The following TSHZ3 variants were observed in gnomAD, a reference collection of about 807,000 sequenced individuals.
TSHZ3 encodes teashirt homolog 3.
Under a neutral mutation model 64.5 loss-of-function variants are expected in TSHZ3, and 10 were observed. That is an observed-to-expected ratio of 0.16 (90% CI 0.10 to 0.26). The LOEUF (loss-of-function observed/expected upper bound fraction) is 0.26, where lower values mean the gene tolerates loss of function less well. TSHZ3 is among the 10% of genes least tolerant of loss of function. The probability of loss-of-function intolerance (pLI) is 1.00; values close to 1 mark genes in which losing one functional copy is unlikely to be tolerated. For missense variants in TSHZ3, 1,242 were observed against 1,421.7 expected, an observed-to-expected ratio of 0.87 and a Z score of 2.03; for synonymous variants, 608 against 593.1, an observed-to-expected ratio of 1.03 and a Z score of -0.36.
chr19:31,298,709 T>C (rs1976702848), intron 1 of TSHZ3, among the ~76,000 whole-genome samples: 2 of 152,050 alleles, frequency 1.3e-5, no homozygotes, highest in African/African-American at 4.8e-5. Context: ...GGGCTCCATG[T>C]CATGGATGAA....
chr19:31,343,607 T>G (rs1330855330), intron 1 of TSHZ3, among the ~76,000 whole-genome samples: 1 of 151,662 alleles, frequency 6.6e-6, no homozygotes, highest in Non-Finnish European at 1.5e-5. Flanking sequence ...ATAAGAAGAT[T>G]ATGTTCTATT....
At chr19:31,226,985 T>TC (rs1264764396) in intron 4 of TSHZ3, among the ~76,000 whole-genome samples, 1 of 135,246 alleles carries the variant, frequency 7.4e-6, no homozygotes, top group Non-Finnish European at 1.5e-5. Flanking sequence ...TTCTTTTTTT[T>TC]TTTTTTTTTT....
At chr19:31,285,036 T>C (rs1976431186) in intron 1 of TSHZ3, among the ~76,000 whole-genome samples, 1 of 152,148 alleles carries the variant, frequency 6.6e-6, no homozygotes, top group Non-Finnish European at 1.5e-5. Context: ...GACTGGCACA[T>C]TCAGCAATGC....
intron 5 of TSHZ3, among the ~76,000 whole-genome samples, chr19:31,177,934 C>T (rs1974637273): frequency 6.6e-6 from 1 of 152,114 alleles, no homozygotes; most frequent in Non-Finnish European, 1.5e-5. Context: ...CTCCTGTAGT[C>T]CACTTTCTGG....
At chr19:31,342,519 A>T (rs1339300029) in intron 1 of TSHZ3, among the ~76,000 whole-genome samples, 1 of 152,228 alleles carries the variant, frequency 6.6e-6, no homozygotes, top group Non-Finnish European at 1.5e-5. Context: ...TGCAAAATAA[A>T]TTCACTCAAG....
intron 1 of TSHZ3, among the ~76,000 whole-genome samples, chr19:31,317,373 A>G (rs1916631825): frequency 6.6e-6 from 1 of 152,160 alleles, no homozygotes; most frequent in African/African-American, 2.4e-5. Flanking sequence ...GATGCTGAAC[A>G]GTGCAGGCTC....
chr19:31,304,610 T>G (rs1976809414), intron 1 of TSHZ3, among the ~76,000 whole-genome samples: 1 of 152,238 alleles, frequency 6.6e-6, no homozygotes, highest in South Asian at 2.1e-4. Context: ...GTTGGATTTA[T>G]AGTATCATTT....
intron 1 of TSHZ3, among the ~76,000 whole-genome samples, chr19:31,248,736 G>A (rs1236666359): frequency 1.3e-5 from 2 of 149,460 alleles, no homozygotes; most frequent in African/African-American, 5.0e-5. Flanking sequence ...GGCTGCAGTA[G>A]CCATGATCGC....
At chr19:31,292,100 C>T (rs1976576704) in intron 1 of TSHZ3, among the ~76,000 whole-genome samples, 1 of 152,144 alleles carries the variant, frequency 6.6e-6, no homozygotes, top group Non-Finnish European at 1.5e-5. Context: ...TCCCAATGTC[C>T]TTTTTACCTT....
intron 1 of TSHZ3, among the ~76,000 whole-genome samples, chr19:31,326,956 C>A (rs922518655): frequency 2.0e-5 from 3 of 152,126 alleles, no homozygotes; most frequent in Admixed American, 1.3e-4. Context: ...GGGGAGAAGT[C>A]CAGCTCCATG....
At chr19:31,329,897 TTG>T (rs755967600) in intron 1 of TSHZ3, among the ~76,000 whole-genome samples, 62 of 152,302 alleles carry the variant, frequency 4.1e-4, no homozygotes, top group Non-Finnish European at 7.1e-4. Flanking sequence ...GCCAAAATTG[TTG>T]TGTGTTTTTT....
chr19:31,223,228 G>A (rs2145169404), intron 4 of TSHZ3, among the ~76,000 whole-genome samples: 1 of 152,206 alleles, frequency 6.6e-6, no homozygotes, highest in African/African-American at 2.4e-5. Flanking sequence ...AAGAATCAAA[G>A]GTTTACCAAC....
intron 5 of TSHZ3, among the ~76,000 whole-genome samples, chr19:31,168,145 T>C (rs1974481932): frequency 6.6e-6 from 1 of 152,176 alleles, no homozygotes; most frequent in African/African-American, 2.4e-5. Context: ...ACATAATTGA[T>C]CTAGTATTTT....
At chr19:31,153,039 T>C (rs998248359) in intron 6 of TSHZ3, among the ~76,000 whole-genome samples, 3 of 152,240 alleles carry the variant, frequency 2.0e-5, no homozygotes, top group Non-Finnish European at 4.4e-5. Flanking sequence ...ATTTAGGCTG[T>C]CTTTTAGATG....
intron 1 of TSHZ3, among the ~76,000 whole-genome samples, chr19:31,243,732 G>A (rs1239894848): frequency 6.6e-6 from 1 of 152,106 alleles, no homozygotes; most frequent in African/African-American, 2.4e-5. Flanking sequence ...GCAGCGGAGT[G>A]GTGTTCATCG....
At chr19:31,200,538 C>T (rs1270848098) in intron 5 of TSHZ3, among the ~76,000 whole-genome samples, 1 of 152,040 alleles carries the variant, frequency 6.6e-6, no homozygotes, top group Non-Finnish European at 1.5e-5. Context: ...ATGATGGAGA[C>T]AGTAAAAAGA....
chr19:31,206,106 T>C (rs1975166683), intron 4 of TSHZ3, among the ~76,000 whole-genome samples: 2 of 151,372 alleles, frequency 1.3e-5, no homozygotes, highest in East Asian at 3.9e-4. Context: ...GATGGATGGA[T>C]GGATGGATGG....
At chr19:31,297,416 CTGTCT>C (rs1379517040) in intron 1 of TSHZ3, among the ~76,000 whole-genome samples, 2 of 124,306 alleles carry the variant, frequency 1.6e-5, no homozygotes, top group Non-Finnish European at 3.6e-5. Context: ...TATTCCCTTC[CTGTCT>C]CTTTTTTTTG....
intron 4 of TSHZ3, among the ~76,000 whole-genome samples, chr19:31,223,271 AC>A (rs1339713929): frequency 6.6e-6 from 1 of 152,076 alleles, no homozygotes; most frequent in African/African-American, 2.4e-5. Flanking sequence ...GGCTTATCTG[AC>A]ACTGTAGAGC....
Sources: gnomAD v4.1 joint callset for allele counts (sites outside exome capture counted in the v4.1 genomes callset) on GRCh38, gnomAD v4.1.1 for gene constraint, MANE v1.5 for transcripts, NCBI Gene and HGNC (gene_info 2026-07-23, HGNC 2026-07-21) for gene names.